The following SESTD1 variants were observed in gnomAD, a reference collection of about 807,000 sequenced individuals.
The protein encoded by SESTD1 is SEC14 and spectrin domain containing 1, also known as SEC14 domain and spectrin repeat-containing protein 1.
Under a neutral mutation model 101.7 loss-of-function variants are expected in SESTD1, and 43 were observed. That is an observed-to-expected ratio of 0.42 (90% CI 0.33 to 0.55). The LOEUF (loss-of-function observed/expected upper bound fraction) is 0.55. SESTD1 is among the 20% of genes least tolerant of loss of function. SESTD1 has a pLI of 0.07. For missense variants in SESTD1, 647 were observed against 815.1 expected (o/e 0.79, Z 2.51); for synonymous variants, 283 against 286.8 (o/e 0.99, Z 0.13).
rs1007345356 is a variant in SESTD1, at chr2:179,213,212, G to C, written c.-25-21346C>G. ...TAACAAAGTTCTCCGAGCTAAAGGG[G>C]CATGTTCTAACCCATCGCAAGGAAG... On this transcript the variant is annotated intron_variant, in intron 1 of 17. Coordinates refer to ENST00000428443, the MANE Select transcript of SESTD1 (RefSeq NM_178123.5). Among the ~76,000 whole-genome samples the C allele has an allele frequency of 3.0e-5, 4 of 134,628 alleles. 1 individual carries two copies. The highest frequency in any genetic ancestry group is 1.2e-4 in the African/African-American group (4 of 34,010). The allele number at this position is 134,628 out of a possible 152,430, so 88.3% of individuals were successfully genotyped here. A position where few individuals can be genotyped will look rare whatever the true frequency, so the allele number is the denominator to read the frequency against.
In SESTD1 at chr2:179,169,518, G is replaced by A. The variant is rs2045893639; in HGVS notation, c.369+2602C>T. On this transcript the variant is annotated intron_variant, in intron 5 of 17. Transcript: ENST00000428443. The stretch of plus-strand genomic sequence containing the variant: ...TGGAGGTTGCAATATTCCTCTTTCA[G>A]TTATTAAAAAAACAGGCAGACACAA... 2.0e-5 allele frequency among the ~76,000 whole-genome samples: 3 copies of A among 152,006 alleles called. No homozygotes were observed. The South Asian group carries it at 6.2e-4, about 32-fold the overall frequency.
At chr2:179,168,815 G>C (rs1030322707) in intron 5 of SESTD1, among the ~76,000 whole-genome samples, 1 of 152,200 alleles carries the variant, frequency 6.6e-6, no homozygotes, top group African/African-American at 2.4e-5. Flanking sequence ...CAGCAATGTA[G>C]TGTTTGTTTA....
In SESTD1 at chr2:179,214,326, A is replaced by C. The variant is rs1161334278; in HGVS notation, c.-25-22460T>G. ...GGAAAGCAAAAAAAAGCAAAGGTTGAAATCCTAGTCTCTGATAAAACAGAC... is the reference window on the plus strand; with the variant it reads ...GGAAAGCAAAAAAAAGCAAAGGTTGCAATCCTAGTCTCTGATAAAACAGAC... On this transcript the variant is annotated intron_variant, in intron 1 of 17. Transcript: ENST00000428443. Among the ~76,000 whole-genome samples, 6 of 134,260 alleles carry C rather than the reference A, an allele frequency of 4.5e-5. 1 individual carries two copies. The highest frequency in any genetic ancestry group is 1.8e-4 in the African/African-American group (6 of 33,880). The allele number at this position is 134,260 out of a possible 152,430, so 88.1% of individuals were successfully genotyped here.
intron 1 of SESTD1, among the ~76,000 whole-genome samples, chr2:179,249,615 C>T (rs1022594856): frequency 3.3e-5 from 5 of 152,002 alleles, no homozygotes; most frequent in African/African-American, 4.8e-5. Context: ...AATGCAATTC[C>T]TAGCATAATT....
chr2:179,131,112 T>G (rs17454164), intron 10 of SESTD1, among the ~76,000 whole-genome samples: 8,458 of 152,186 alleles, frequency 0.056, 300 homozygotes, highest in South Asian at 0.091. Flanking sequence ...TTGTAATATC[T>G]CTTATTATTC....
intron 1 of SESTD1, among the ~76,000 whole-genome samples, chr2:179,240,865 G>C (rs536832977): frequency 1.3e-5 from 2 of 152,064 alleles, no homozygotes; most frequent in Non-Finnish European, 2.9e-5. Context: ...TGTGTGAGTG[G>C]AGCCCAGTGG....
chr2:179,166,910 C>G (rs2045844569), intron 5 of SESTD1, among the ~76,000 whole-genome samples: 1 of 152,154 alleles, frequency 6.6e-6, no homozygotes, highest in South Asian at 2.1e-4. Context: ...CTATCAAAAG[C>G]CTAGGAAAAG....
chr2:179,132,463 T>C, intron 9 of SESTD1, 37 bp from the exon 10 acceptor site: 2 of 1,535,352 alleles, frequency 1.3e-6, no homozygotes, highest in Non-Finnish European at 1.7e-6. Flanking sequence ...TTTTAAAGAA[T>C]CAGAAACTTT....
At chr2:179,249,922 C>T (rs1169367261) in intron 1 of SESTD1, among the ~76,000 whole-genome samples, 6 of 148,842 alleles carry the variant, frequency 4.0e-5, no homozygotes, top group Non-Finnish European at 7.4e-5. Context: ...TGACCTAAGT[C>T]TCACACCTTA....
chr2:179,243,925 AATAT>A (rs1176470119), intron 1 of SESTD1, among the ~76,000 whole-genome samples: 2 of 142,490 alleles, frequency 1.4e-5, no homozygotes, highest in African/African-American at 2.7e-5. Flanking sequence ...AATTATTAAA[AATAT>A]ATATATATGT....
rs957897271 is a variant in SESTD1, at chr2:179,102,671, T to C, written c.*7228A>G. On this transcript the variant is annotated 3_prime_UTR_variant, in exon 18 of 18. Transcript: ENST00000428443. Reference sequence around the variant, plus strand: ...AAAATGAGCATTAGAAACACACAGATGATTATAATTCTATAGACTAATACA... The same window carrying C: ...AAAATGAGCATTAGAAACACACAGACGATTATAATTCTATAGACTAATACA... The C allele has an allele frequency of 1.3e-5, 2 of 151,986 alleles. No homozygotes were observed. The highest frequency in any genetic ancestry group is 2.9e-5 in the Non-Finnish European group (2 of 68,014). The allele number at this position is 151,986 out of a possible 1,614,324, so 9.4% of individuals were successfully genotyped here. A position where few individuals can be genotyped will look rare whatever the true frequency, so the allele number is the denominator to read the frequency against.
intron 1 of SESTD1, among the ~76,000 whole-genome samples, chr2:179,237,998 C>T (rs1230756085): frequency 2.0e-5 from 3 of 152,158 alleles, no homozygotes; most frequent in Non-Finnish European, 4.4e-5. Context: ...TAAGAGCCTA[C>T]TGCTGACCAG....
At chr2:179,236,177 A>G (rs577333631) in intron 1 of SESTD1, among the ~76,000 whole-genome samples, 37 of 150,970 alleles carry the variant, frequency 2.5e-4, no homozygotes, top group African/African-American at 7.3e-4. Flanking sequence ...GAACTCAAAT[A>G]GCGTTTATTA....
chr2:179,139,697 G>T (rs1440911066), intron 9 of SESTD1, among the ~76,000 whole-genome samples: 1 of 152,022 alleles, frequency 6.6e-6, no homozygotes, highest in Non-Finnish European at 1.5e-5. Context: ...GACTCACCTG[G>T]TCTGAGGGGC....
chr2:179,135,175 C>G (rs1196668421), intron 9 of SESTD1, among the ~76,000 whole-genome samples: 1 of 152,076 alleles, frequency 6.6e-6, no homozygotes, highest in African/African-American at 2.4e-5. Context: ...AAACTCCTGA[C>G]CTCGTGATGC....
rs924044378 is a variant in SESTD1, at chr2:179,182,989, A to C, written c.164+91T>G. The C allele has an allele frequency of 3.6e-5, 29 of 809,196 alleles. No homozygotes were observed. In the African/African-American group the frequency reaches 4.9e-4, roughly 14 times the overall value. The allele number at this position is 809,196 out of a possible 1,614,324, so 50.1% of individuals were successfully genotyped here. Reference sequence around the variant, plus strand: ...ATTTCACTGCGAATAAAAGCAGATAAGATAGCAAAGTATAATTCAACAATA... The same window carrying C: ...ATTTCACTGCGAATAAAAGCAGATACGATAGCAAAGTATAATTCAACAATA... On this transcript the variant is annotated intron_variant, in intron 3 of 17. Transcript: ENST00000428443.
In SESTD1 at chr2:179,132,430, T is replaced by A; in HGVS notation, c.850-4A>T. 1 of 1,541,460 alleles carries A rather than the reference T, an allele frequency of 6.5e-7. No individual in the cohort carries two copies. The highest frequency in any genetic ancestry group is 8.6e-7 in the Non-Finnish European group (1 of 1,157,972). ...GCCCTTCTAGCCAGTTCACCACCTATAAACAAAAGTTGAGATAACATTTTT... is the reference window on the plus strand; with the variant it reads ...GCCCTTCTAGCCAGTTCACCACCTAAAAACAAAAGTTGAGATAACATTTTT... On this transcript the variant is annotated splice_polypyrimidine_tract_variant and splice_region_variant and intron_variant, in intron 9 of 17. Transcript: ENST00000428443.
chr2:179,241,695 G>C (rs1301354974), intron 1 of SESTD1, among the ~76,000 whole-genome samples: 1 of 152,088 alleles, frequency 6.6e-6, no homozygotes, highest in African/African-American at 2.4e-5. Context: ...GGCCAAGGCA[G>C]GCAGATCACG....
At chr2:179,140,099 T>C (rs1038440066) in intron 9 of SESTD1, among the ~76,000 whole-genome samples, 1 of 152,160 alleles carries the variant, frequency 6.6e-6, no homozygotes, top group Non-Finnish European at 1.5e-5. Flanking sequence ...TAGTATTAAT[T>C]ATTCCTTCTC....
Sources: allele counts gnomAD v4.1 joint callset (sites outside exome capture counted in the v4.1 genomes callset), GRCh38; gene constraint gnomAD v4.1.1; transcripts MANE v1.5; gene names NCBI Gene and HGNC (gene_info 2026-07-23, HGNC 2026-07-21).